PI4KA: variants seen among roughly 807,000 people sequenced by gnomAD.
PI4KA encodes PI4-kinase alpha.
PI4KA carries 122 observed loss-of-function variants against 271.4 expected under a neutral mutation model. The ratio of observed to expected loss-of-function variants is 0.45; its 90% CI spans 0.39 to 0.52. The LOEUF is 0.52. Among genes scored for constraint, PI4KA ranks in the 20% least tolerant of loss-of-function variants. The pLI is 0.00. For missense variants in PI4KA, 1,969 were observed against 2,769.1 expected, an observed-to-expected ratio of 0.71 and a Z score of 6.48; for synonymous variants, 1,041 against 1,078.8, an observed-to-expected ratio of 0.96 and a Z score of 0.69.
intron 9 of PI4KA, among the ~76,000 whole-genome samples, chr22:20,808,589 C>CAA (rs361792): frequency 4.8e-5 from 5 of 104,624 alleles, no homozygotes; most frequent in African/African-American, 1.0e-4. Context: ...GACTCCGTCT[C>CAA]AAAAAAAAAA....
chr22:20,794,049 T>G (rs1039453161), intron 18 of PI4KA, among the ~76,000 whole-genome samples: 1 of 152,220 alleles, frequency 6.6e-6, no homozygotes, highest in African/African-American at 2.4e-5. Context: ...ACCTCAGTGG[T>G]GGGGACAGAA....
At chr22:20,794,910 G>A (rs776676462) in intron 18 of PI4KA, among the ~76,000 whole-genome samples, 2 of 152,216 alleles carry the variant, frequency 1.3e-5, no homozygotes, top group African/African-American at 2.4e-5. Flanking sequence ...GTTGAGTTGA[G>A]CAGTTACAAC....
chr22:20,779,420 G>T (rs769814988), intron 19 of PI4KA: 2 of 1,614,248 alleles, frequency 1.2e-6, no homozygotes, highest in East Asian at 2.2e-5. Flanking sequence ...AAACTGCTCA[G>T]TCTGCAGATC....
rs1280930885 is a variant in PI4KA, at chr22:20,796,274, C to A, written c.2149G>T (p.Ala717Ser). Residue 717 changes from alanine to serine, a missense_variant, in exon 18 of 55, where the codon GCG becomes TCG. Physicochemically the swap from Ala to Ser is moderately conservative, Grantham distance 99. Around this residue, in one of 13 missense-constraint regions of PI4KA, gnomAD observed 368 missense variants for 544.3 expected, o/e 0.68. Transcript: ENST00000255882. ...AGGTGCTCGTCTTGGATGTTGGCCG[C>A]GATGTTGGCCAGGGCATTAATCACT... ...LAVINALANIAANIQDEHLVD... is the reference protein window; with the variant it reads ...LAVINALANISANIQDEHLVD... 2 of 1,613,860 alleles carry A rather than the reference C, an allele frequency of 1.2e-6. No homozygotes were observed. The highest frequency in any genetic ancestry group is 2.7e-5 in the African/African-American group (2 of 74,882).
At chr22:20,784,884 C>T (rs1024655791) in intron 19 of PI4KA, among the ~76,000 whole-genome samples, 1 of 152,054 alleles carries the variant, frequency 6.6e-6, no homozygotes, top group Non-Finnish European at 1.5e-5. Context: ...GTTTGAACCT[C>T]CTTATAGGAC....
At chr22:20,831,757 T>TC (rs1924205294) in intron 3 of PI4KA, among the ~76,000 whole-genome samples, 1 of 152,200 alleles carries the variant, frequency 6.6e-6, no homozygotes, top group African/African-American at 2.4e-5. Context: ...ACATTTTTTT[T>TC]CTTTCATTTA....
intron 19 of PI4KA, chr22:20,779,772 G>T (rs1230112155): frequency 6.2e-7 from 1 of 1,614,206 alleles, no homozygotes; most frequent in Non-Finnish European, 8.5e-7. Context: ...CATCTTCATA[G>T]CACCCGTTGG....
chr22:20,758,459 C>CT (rs35401829), intron 23 of PI4KA, among the ~76,000 whole-genome samples: 31,962 of 85,394 alleles, frequency 0.37, 5,815 homozygotes, highest in African/African-American at 0.45. Context: ...TCTTTCTTTT[C>CT]TTTTTTTTTT....
chr22:20,796,277 T>G lies in PI4KA; in HGVS notation c.2146A>C (p.Ile716Leu), dbSNP rs759823538. 1.2e-6 allele frequency: 2 copies of G among 1,613,930 alleles called. No homozygotes were observed. The highest frequency in any genetic ancestry group is 1.7e-6 in the Non-Finnish European group (2 of 1,179,982). ...SLAVINALAN[I>L]AANIQDEHLV... is the part of the protein sequence containing the mutation. ...TGCTCGTCTTGGATGTTGGCCGCGA[T>G]GTTGGCCAGGGCATTAATCACTGCC... The change falls in exon 18 of 55, where the codon ATC (isoleucine) becomes CTC (leucine). Residue 716 changes from isoleucine (I) to leucine (L), a missense_variant. Physicochemically the swap from Ile to Leu is conservative, Grantham distance 5 (BLOSUM62 2). Around this residue, in one of 13 missense-constraint regions of PI4KA, gnomAD observed 368 missense variants for 544.3 expected, o/e 0.68. Coordinates refer to ENST00000255882, the MANE Select transcript of PI4KA (RefSeq NM_058004.4).
chr22:20,783,911 G>A (rs1933995876), intron 19 of PI4KA: 1 of 1,606,700 alleles, frequency 6.2e-7, no homozygotes, highest in Non-Finnish European at 8.5e-7. Context: ...TCACTCTCAA[G>A]GGTGAGACGA....
intron 18 of PI4KA, among the ~76,000 whole-genome samples, chr22:20,793,544 A>T (rs1934783031): frequency 6.6e-6 from 1 of 152,204 alleles, no homozygotes; most frequent in Non-Finnish European, 1.5e-5. Flanking sequence ...GCATTTAGTC[A>T]CCATGGAAAG....
At chr22:20,807,991 A>G (rs1235750440) in intron 9 of PI4KA, among the ~76,000 whole-genome samples, 3 of 152,004 alleles carry the variant, frequency 2.0e-5, no homozygotes, top group Admixed American at 2.0e-4. Flanking sequence ...CTAATGAGTT[A>G]AGAAAGATAA....
intron 36 of PI4KA, among the ~76,000 whole-genome samples, chr22:20,731,617 A>G (rs1413215106): frequency 2.0e-5 from 3 of 152,170 alleles, no homozygotes; most frequent in Non-Finnish European, 4.4e-5. Flanking sequence ...AATATGGTGA[A>G]GCCCTGTCTC....
chr22:20,750,651 C>A (rs369537557), intron 27 of PI4KA, among the ~76,000 whole-genome samples: 1 of 152,194 alleles, frequency 6.6e-6, no homozygotes, highest in African/African-American at 2.4e-5. Context: ...GCAGGCTCTG[C>A]GTGGCAAAAT....
chr22:20,833,547 G>A (rs989053784), intron 3 of PI4KA, among the ~76,000 whole-genome samples: 1 of 152,084 alleles, frequency 6.6e-6, no homozygotes, highest in Non-Finnish European at 1.5e-5. Flanking sequence ...CTGTGCATGC[G>A]TTCATGCCTG....
chr22:20,716,573 C>T (rs1183626655), intron 45 of PI4KA, among the ~76,000 whole-genome samples: 1 of 152,172 alleles, frequency 6.6e-6, no homozygotes, highest in African/African-American at 2.4e-5. Flanking sequence ...TCTTCCTGCT[C>T]CAGGCTGTGG....
At chr22:20,746,793 G>C (rs1330019650) in intron 29 of PI4KA, among the ~76,000 whole-genome samples, 1 of 152,186 alleles carries the variant, frequency 6.6e-6, no homozygotes, top group Non-Finnish European at 1.5e-5. Context: ...AGAGTGCCCT[G>C]ATAGCAAAAT....
chr22:20,775,743 G>A (rs561757970), intron 19 of PI4KA, among the ~76,000 whole-genome samples: 305 of 152,186 alleles, frequency 2.0e-3, no homozygotes, highest in African/African-American at 6.5e-3. Flanking sequence ...TCCTGCCTTG[G>A]CCTCCCAAGA....
At chr22:20,809,491 T>C (rs1451059187) in intron 9 of PI4KA, among the ~76,000 whole-genome samples, 4 of 151,678 alleles carry the variant, frequency 2.6e-5, no homozygotes, top group African/African-American at 9.7e-5. Flanking sequence ...AAAGAACAAA[T>C]TACAAAACAA....
Sources: gnomAD v4.1 joint callset for allele counts (sites outside exome capture counted in the v4.1 genomes callset) on GRCh38, gnomAD v4.1.1 for gene constraint, gnomAD v4.1.1 regional missense constraint, MANE v1.5 for transcripts, NCBI Gene and HGNC (gene_info 2026-07-23, HGNC 2026-07-21) for gene names.